FAR2: variants seen among roughly 807,000 people sequenced by gnomAD.
FAR2 encodes epididymis secretory protein Li 81.
FAR2 carries 19 observed loss-of-function variants against 56.0 expected under a neutral mutation model. The observed-to-expected ratio is 0.34, with a 90% CI of 0.24 to 0.50. FAR2 has a LOEUF of 0.50. FAR2 is among the 20% of genes least tolerant of loss of function. The pLI, the probability that FAR2 is intolerant of heterozygous loss-of-function variation, is 0.98. For missense variants in FAR2, 508 were observed against 642.2 expected (o/e 0.79, Z 2.26); for synonymous variants, 219 against 218.8 (o/e 1.00, Z -0.01).
intron 3 of FAR2, among the ~76,000 whole-genome samples, chr12:29,296,247 A>G (rs1439590521): frequency 6.6e-6 from 1 of 152,184 alleles, no homozygotes; most frequent in Non-Finnish European, 1.5e-5. Flanking sequence ...TTCCAAGGCT[A>G]GGACTTCAGA....
chr12:29,269,762 C>G (rs1948582758), intron 1 of FAR2, among the ~76,000 whole-genome samples: 1 of 152,240 alleles, frequency 6.6e-6, no homozygotes, highest in Non-Finnish European at 1.5e-5. Context: ...CTTCCCGCAA[C>G]AATTATTTAT....
chr12:29,247,772 A>C (rs1300373779), intron 1 of FAR2, among the ~76,000 whole-genome samples: 1 of 152,228 alleles, frequency 6.6e-6, no homozygotes, highest in Non-Finnish European at 1.5e-5. Flanking sequence ...AACCCATAGG[A>C]GTGGCAGAAG....
chr12:29,265,215 C>A (rs1394133476), intron 1 of FAR2, among the ~76,000 whole-genome samples: 2 of 152,112 alleles, frequency 1.3e-5, no homozygotes, highest in Non-Finnish European at 2.9e-5. Context: ...CCCAGATCTG[C>A]CAAAGCTATC....
At chr12:29,223,193 C>G (rs1947718059) in intron 1 of FAR2, among the ~76,000 whole-genome samples, 1 of 152,158 alleles carries the variant, frequency 6.6e-6, no homozygotes, top group South Asian at 2.1e-4. Flanking sequence ...AGTTTCAAAG[C>G]TTGTCTGAAG....
intron 2 of FAR2, among the ~76,000 whole-genome samples, chr12:29,276,223 A>T (rs1174310575): frequency 6.6e-6 from 1 of 152,172 alleles, no homozygotes; most frequent in Non-Finnish European, 1.5e-5. Context: ...GATTTAAGGT[A>T]TGGCTTTTAC....
intron 1 of FAR2, among the ~76,000 whole-genome samples, chr12:29,179,545 G>T (rs961107122): frequency 7.2e-5 from 11 of 152,106 alleles, no homozygotes; most frequent in Non-Finnish European, 1.5e-4. Flanking sequence ...TTCAAAGCTG[G>T]CATTCACACC....
At chr12:29,187,412 C>T (rs990820375) in intron 1 of FAR2, among the ~76,000 whole-genome samples, 2 of 151,742 alleles carry the variant, frequency 1.3e-5, no homozygotes, top group Non-Finnish European at 2.9e-5. Flanking sequence ...AAGTAAGAAG[C>T]GTATATATAT....
intron 2 of FAR2, among the ~76,000 whole-genome samples, chr12:29,289,201 T>G (rs1312763692): frequency 6.6e-6 from 1 of 152,036 alleles, no homozygotes; most frequent in Admixed American, 6.5e-5. Context: ...ATCCTAAAAT[T>G]TATTTGGAAC....
chr12:29,194,938 A>G (rs1038838915), intron 1 of FAR2, among the ~76,000 whole-genome samples: 2 of 152,174 alleles, frequency 1.3e-5, no homozygotes, highest in Non-Finnish European at 2.9e-5. Context: ...ATTGAAGCAA[A>G]GTATGGTGAC....
chr12:29,258,685 A>G (rs2136689501), intron 1 of FAR2, among the ~76,000 whole-genome samples: 1 of 152,358 alleles, frequency 6.6e-6, no homozygotes, highest in Admixed American at 6.5e-5. Context: ...TGAAAATGAA[A>G]TTGACTTGAT....
At chr12:29,290,333 C>A (rs1328914347) in intron 2 of FAR2, among the ~76,000 whole-genome samples, 2 of 152,000 alleles carry the variant, frequency 1.3e-5, no homozygotes, top group African/African-American at 2.4e-5. Flanking sequence ...GTAATCCCAG[C>A]TACTCAGGAG....
intron 1 of FAR2, among the ~76,000 whole-genome samples, chr12:29,161,219 TA>T (rs1463769215): frequency 6.6e-6 from 1 of 152,136 alleles, no homozygotes; most frequent in Non-Finnish European, 1.5e-5. Context: ...TCTTCCAAGT[TA>T]AAAAAGAAAA....
chr12:29,168,834 G>T (rs904003738), intron 1 of FAR2, among the ~76,000 whole-genome samples: 13 of 152,208 alleles, frequency 8.5e-5, no homozygotes, highest in African/African-American at 3.1e-4. Context: ...ACCCAAGTGG[G>T]TTGCTGCTGC....
intron 1 of FAR2, among the ~76,000 whole-genome samples, chr12:29,250,538 T>C (rs1361869639): frequency 1.3e-5 from 2 of 152,220 alleles, no homozygotes; most frequent in Non-Finnish European, 2.9e-5. Context: ...ATATTATTTA[T>C]TTTGTTAGTT....
At chr12:29,297,946 G>A (rs973451102) in intron 4 of FAR2, among the ~76,000 whole-genome samples, 1 of 150,508 alleles carries the variant, frequency 6.6e-6, no homozygotes, top group African/African-American at 2.4e-5. Context: ...AACCTGGGGA[G>A]AATCGCTTGA....
rs564403642 is a variant in FAR2 at position 29,235,272 on chromosome 12, G to A, written c.-38-35140G>A. Among the ~76,000 whole-genome samples the A allele has an allele frequency of 3.3e-4, 50 of 152,302 alleles. No homozygotes were observed. In the East Asian group the frequency reaches 9.3e-3, roughly 28 times the overall value. ...CTGGGTATGATTAATGTACTAGAATGAAAATAAAGACCCTGTTTCTAGGCA... is the reference window on the plus strand; with the variant it reads ...CTGGGTATGATTAATGTACTAGAATAAAAATAAAGACCCTGTTTCTAGGCA... On this transcript the variant is annotated intron_variant, in intron 1 of 11. Transcript: ENST00000536681.
chr12:29,156,187 G>A (rs796130215), intron 1 of FAR2, among the ~76,000 whole-genome samples: 14 of 152,094 alleles, frequency 9.2e-5, no homozygotes, highest in African/African-American at 2.2e-4. Context: ...ACTGCACAGC[G>A]GAATGACTAT....
At chr12:29,289,620 G>A (rs529824375) in intron 2 of FAR2, among the ~76,000 whole-genome samples, 12 of 152,278 alleles carry the variant, frequency 7.9e-5, no homozygotes, top group South Asian at 4.1e-4. Flanking sequence ...TCTCCAGGAC[G>A]TTGGTCTGGG....
chr12:29,262,258 T>A (rs1948432984), intron 1 of FAR2, among the ~76,000 whole-genome samples: 1 of 151,878 alleles, frequency 6.6e-6, no homozygotes, highest in Non-Finnish European at 1.5e-5. Context: ...TTTAAAATAA[T>A]GGGTTATAAG....
Sources: gnomAD v4.1 joint callset for allele counts (sites outside exome capture counted in the v4.1 genomes callset) on GRCh38, gnomAD v4.1.1 for gene constraint, MANE v1.5 for transcripts, NCBI Gene and HGNC (gene_info 2026-07-23, HGNC 2026-07-21) for gene names.